Variants in SEPTIN10 observed in about 807,000 individuals in gnomAD.
SEPTIN10 encodes septin-10.
In SEPTIN10, 66 loss-of-function variants were observed where a neutral mutation model predicts 54.8. That is an observed-to-expected ratio of 1.21 (90% CI 0.99 to 1.48). SEPTIN10 has a LOEUF of 1.48. Ranked by LOEUF, SEPTIN10 falls within the 40% of genes most tolerant of loss-of-function variation. The pLI is 0.00. For missense variants in SEPTIN10, 620 were observed against 545.6 expected (o/e 1.14, Z -1.36); for synonymous variants, 161 against 181.0 (o/e 0.89, Z 0.89).
chr2:109,589,287 C>G (rs1349714508), intron 2 of SEPTIN10, among the ~76,000 whole-genome samples: 1 of 152,092 alleles, frequency 6.6e-6, no homozygotes, highest in African/African-American at 2.4e-5. Flanking sequence ...AATCTCAGCA[C>G]TTTAGGAGGC....
chr2:109,583,545 G>A (rs1048273296), intron 4 of SEPTIN10, among the ~76,000 whole-genome samples: 6 of 152,336 alleles, frequency 3.9e-5, no homozygotes, highest in African/African-American at 1.2e-4. Flanking sequence ...TGGTGGGAAT[G>A]TAAATTAATG....
At chr2:109,579,746 G>A (rs868280252) in intron 4 of SEPTIN10, among the ~76,000 whole-genome samples, 4 of 151,914 alleles carry the variant, frequency 2.6e-5, no homozygotes, top group Non-Finnish European at 5.9e-5. Flanking sequence ...CTAATCTTAT[G>A]CAAATTTTTC....
chr2:109,574,556 A>G, intron 5 of SEPTIN10, 25 bp downstream of exon 5: 1 of 1,402,020 alleles, frequency 7.1e-7, no homozygotes, highest in Non-Finnish European at 9.4e-7. Flanking sequence ...AAAGTATGGT[A>G]AGTTGATTCC....
At chr2:109,596,077 G>C (rs1033588002) in intron 1 of SEPTIN10, among the ~76,000 whole-genome samples, 1 of 152,018 alleles carries the variant, frequency 6.6e-6, no homozygotes, top group Non-Finnish European at 1.5e-5. Flanking sequence ...TATTGCTTAA[G>C]CTAGAGTGCA....
chr2:109,611,806 G>C (rs1173795806), intron 1 of SEPTIN10, among the ~76,000 whole-genome samples: 1 of 152,090 alleles, frequency 6.6e-6, no homozygotes, highest in African/African-American at 2.4e-5. Flanking sequence ...CTATAAGAAT[G>C]GCTAAATTAA....
At chr2:109,609,480 T>C (rs1395446847) in intron 1 of SEPTIN10, among the ~76,000 whole-genome samples, 1 of 151,790 alleles carries the variant, frequency 6.6e-6, no homozygotes, top group East Asian at 1.9e-4. Context: ...AAATACCAAA[T>C]GAGAAGCAGC....
chr2:109,548,188 A>C (rs1573368924), intron 9 of SEPTIN10, among the ~76,000 whole-genome samples: 1 of 152,186 alleles, frequency 6.6e-6, no homozygotes, highest in Non-Finnish European at 1.5e-5. Context: ...AAAAAAAAAA[A>C]AAACTAGGGT....
chr2:109,611,281 G>C (rs982160364), intron 1 of SEPTIN10, among the ~76,000 whole-genome samples: 6 of 152,154 alleles, frequency 3.9e-5, no homozygotes, highest in African/African-American at 1.4e-4. Flanking sequence ...TAGGCAAAGA[G>C]TTCTTAAACT....
chr2:109,568,806 T>C (rs1000248042), intron 5 of SEPTIN10, among the ~76,000 whole-genome samples: 4 of 152,162 alleles, frequency 2.6e-5, no homozygotes, highest in Admixed American at 2.6e-4. Context: ...CATGCCTACC[T>C]GTGCCCCACT....
intron 10 of SEPTIN10, 45 bp from the exon 11 acceptor site, chr2:109,544,369 T>A (rs750535723): frequency 2.6e-6 from 4 of 1,553,232 alleles, no homozygotes; most frequent in Non-Finnish European, 3.4e-6. Context: ...TTAAAAAAAA[T>A]TCAAGTAAAA....
In SEPTIN10 at chr2:109,546,087, T is replaced by C. The variant is rs373330436; in HGVS notation, c.1312A>G (p.Thr438Ala). The C allele has an allele frequency of 1.7e-5, 27 of 1,603,568 alleles. No homozygotes were observed. Among genetic ancestry groups the C allele is most frequent in the Non-Finnish European group, 2.2e-5 (26 of 1,176,268 alleles). The stretch of plus-strand genomic sequence containing the variant: ...TTGTCCTTCCTCAGGTTGCTGCCTG[T>C]TGCCAGAAAGGACTGGCTGTGAAAT... ...EIFHSQSFLA[T>A]GSNLRKDKDR... is the part of the protein sequence containing the mutation. Residue 438 changes from threonine (T) to alanine (A), a missense_variant, in exon 10 of 11, where the codon ACA becomes GCA. Transcript: ENST00000397712.
chr2:109,603,385 C>T (rs1330794404), intron 1 of SEPTIN10, among the ~76,000 whole-genome samples: 1 of 152,064 alleles, frequency 6.6e-6, no homozygotes, highest in African/African-American at 2.4e-5. Flanking sequence ...CAGGCACACA[C>T]CGCCACGCCT....
chr2:109,596,781 T>A (rs1320997159), intron 1 of SEPTIN10, among the ~76,000 whole-genome samples: 1 of 152,220 alleles, frequency 6.6e-6, no homozygotes, highest in Non-Finnish European at 1.5e-5. Flanking sequence ...AAAGCCTACT[T>A]AAAATCTCAG....
chr2:109,560,345 C>T (rs1283317692), intron 8 of SEPTIN10, among the ~76,000 whole-genome samples: 1 of 152,112 alleles, frequency 6.6e-6, no homozygotes, highest in Non-Finnish European at 1.5e-5. Context: ...CAGCAGACTC[C>T]CTCTCTCTTG....
At chr2:109,550,574 G>C (rs759668478) in intron 9 of SEPTIN10, among the ~76,000 whole-genome samples, 2 of 151,998 alleles carry the variant, frequency 1.3e-5, no homozygotes, top group African/African-American at 4.8e-5. Flanking sequence ...TCGGCCTCCC[G>C]AAGTGCTAGG....
At chr2:109,555,119 T>C (rs1173472344) in intron 8 of SEPTIN10, among the ~76,000 whole-genome samples, 2 of 152,212 alleles carry the variant, frequency 1.3e-5, no homozygotes, top group Non-Finnish European at 2.9e-5. Flanking sequence ...TTTGTTCTTG[T>C]CACCCTCTAG....
intron 4 of SEPTIN10, among the ~76,000 whole-genome samples, chr2:109,580,100 G>T (rs536276570): frequency 1.3e-4 from 20 of 151,874 alleles, no homozygotes; most frequent in African/African-American, 4.6e-4. Flanking sequence ...CAGCCTGGGC[G>T]ACAAGAGTGA....
At chr2:109,590,256 T>G (rs1484728498) in intron 2 of SEPTIN10, among the ~76,000 whole-genome samples, 4 of 151,918 alleles carry the variant, frequency 2.6e-5, no homozygotes, top group African/African-American at 9.7e-5. Context: ...TCTCAGATGG[T>G]CGCTAACACC....
chr2:109,552,962 A>T, intron 9 of SEPTIN10, 125 bp downstream of exon 9: 1 of 1,090,016 alleles, frequency 9.2e-7, no homozygotes, highest in Admixed American at 2.4e-5. Flanking sequence ...TATGTGTTGG[A>T]AAAGCTACTC....
Sources: gnomAD v4.1 joint callset for allele counts (sites outside exome capture counted in the v4.1 genomes callset) on GRCh38, gnomAD v4.1.1 for gene constraint, MANE v1.5 for transcripts, NCBI Gene and HGNC (gene_info 2026-07-23, HGNC 2026-07-21) for gene names.